The following LGR5 variants were observed in gnomAD, a reference collection of about 807,000 sequenced individuals.
LGR5 encodes the protein leucine rich repeat containing G protein-coupled receptor 5.
A neutral mutation model predicts 76.7 loss-of-function variants in LGR5; 54 were observed. That is an observed-to-expected ratio of 0.70 (90% CI 0.57 to 0.88). The LOEUF (loss-of-function observed/expected upper bound fraction) is 0.88. Ranked by LOEUF, LGR5 falls within the 40% of genes least tolerant of loss-of-function variation. The probability of loss-of-function intolerance (pLI) is 0.00; values close to 1 mark genes in which losing one functional copy is unlikely to be tolerated. For missense variants in LGR5, 1,078 were observed against 1,073.3 expected, an observed-to-expected ratio of 1.00 and a Z score of -0.06; for synonymous variants, 406 against 421.9, an observed-to-expected ratio of 0.96 and a Z score of 0.46.
rs972733428 is a variant in LGR5 at position 71,477,775 on chromosome 12, G to A, written c.213-26839G>A. Among the ~76,000 whole-genome samples the A allele has an allele frequency of 6.6e-5, 10 of 152,236 alleles. 1 individual carries two copies. In the East Asian group the frequency reaches 1.9e-3, roughly 29 times the overall value. On this transcript the variant is annotated intron_variant, in intron 1 of 17. Transcript: ENST00000266674. ...TAACACAGCCACACAAGCTGTGCAT[G>A]CCCCAACTCTAGGGCAGCTGGAGTT...
At chr12:71,444,645 G>C (rs1270661980) in intron 1 of LGR5, among the ~76,000 whole-genome samples, 1 of 152,062 alleles carries the variant, frequency 6.6e-6, no homozygotes, top group Non-Finnish European at 1.5e-5. Context: ...AAATGAGTTA[G>C]AAGATCGGAA....
intron 2 of LGR5, among the ~76,000 whole-genome samples, chr12:71,519,704 T>A (rs1346968276): frequency 6.6e-6 from 1 of 151,882 alleles, no homozygotes; most frequent in Non-Finnish European, 1.5e-5. Flanking sequence ...CATGTGCCTG[T>A]AGTCCCAGCT....
chr12:71,582,386 C>G, intron 16 of LGR5, 70 bp from the exon 17 acceptor site: 1 of 1,252,470 alleles, frequency 8.0e-7, no homozygotes, highest in Non-Finnish European at 1.2e-6. Flanking sequence ...ACCCAGGACT[C>G]TCCACTCTGG....
chr12:71,497,221 G>T (rs1479757909), intron 1 of LGR5, among the ~76,000 whole-genome samples: 1 of 152,046 alleles, frequency 6.6e-6, no homozygotes, highest in East Asian at 1.9e-4. Flanking sequence ...AGGCTGAGGT[G>T]GGGAGATAAC....
At chr12:71,484,093 T>G (rs1242440879) in intron 1 of LGR5, among the ~76,000 whole-genome samples, 1 of 152,226 alleles carries the variant, frequency 6.6e-6, no homozygotes, top group Non-Finnish European at 1.5e-5. Flanking sequence ...GGTAAGAATC[T>G]GTAGCTCAGA....
chr12:71,465,044 A>G (rs1872808282), intron 1 of LGR5, among the ~76,000 whole-genome samples: 1 of 152,088 alleles, frequency 6.6e-6, no homozygotes, highest in Non-Finnish European at 1.5e-5. Flanking sequence ...GTCCCTTCAT[A>G]CCTTCAGACC....
intron 2 of LGR5, among the ~76,000 whole-genome samples, chr12:71,506,275 T>C (rs1383291952): frequency 3.9e-5 from 6 of 152,062 alleles, no homozygotes; most frequent in Non-Finnish European, 8.8e-5. Context: ...AATTCCCATA[T>C]AATATCTCAT....
chr12:71,560,239 AAC>A (rs1431144444), intron 7 of LGR5, among the ~76,000 whole-genome samples: 4 of 152,230 alleles, frequency 2.6e-5, no homozygotes, highest in Non-Finnish European at 5.9e-5. Context: ...CAATAATATA[AAC>A]AGTCTATTAA....
intron 13 of LGR5, among the ~76,000 whole-genome samples, chr12:71,575,931 C>A (rs1408754791): frequency 6.6e-6 from 1 of 152,160 alleles, no homozygotes; most frequent in Non-Finnish European, 1.5e-5. Flanking sequence ...AGATCATGTC[C>A]TTTACAGGCA....
chr12:71,447,140 C>T (rs540619654), intron 1 of LGR5, among the ~76,000 whole-genome samples: 20 of 152,202 alleles, frequency 1.3e-4, no homozygotes, highest in South Asian at 4.2e-4. Context: ...ATTGTTGTCA[C>T]GAAGGTATCA....
chr12:71,573,403 T>G (rs1227303963), intron 13 of LGR5, among the ~76,000 whole-genome samples: 1 of 152,220 alleles, frequency 6.6e-6, no homozygotes, highest in Non-Finnish European at 1.5e-5. Flanking sequence ...ACTGGGAATC[T>G]GCATTTTAAC....
intron 2 of LGR5, among the ~76,000 whole-genome samples, chr12:71,521,172 C>G (rs2732491): frequency 0.97 from 148,048 of 152,316 alleles, 72,098 homozygotes; most frequent in Middle Eastern, 1. Context: ...GAATATTGTA[C>G]ATTGAAACAG....
At chr12:71,556,393 C>A (rs1056015268) in intron 5 of LGR5, among the ~76,000 whole-genome samples, 4 of 152,032 alleles carry the variant, frequency 2.6e-5, no homozygotes, top group Middle Eastern at 3.4e-3. Flanking sequence ...ATTATACACA[C>A]CCTGATGTCC....
At chr12:71,494,045 G>A (rs56137785) in intron 1 of LGR5, among the ~76,000 whole-genome samples, 3,466 of 149,028 alleles carry the variant, frequency 0.023, 285 homozygotes, top group African/African-American at 0.083. Context: ...CCGGGTTCAC[G>A]CCATTCTCCT....
At chr12:71,509,496 T>G (rs1256891523) in intron 2 of LGR5, among the ~76,000 whole-genome samples, 6 of 152,192 alleles carry the variant, frequency 3.9e-5, no homozygotes, top group Non-Finnish European at 5.9e-5. Flanking sequence ...TGCATTTCCC[T>G]CCAGCAGTAT....
intron 1 of LGR5, among the ~76,000 whole-genome samples, chr12:71,490,119 G>T (rs575721721): frequency 1.9e-4 from 21 of 113,394 alleles, no homozygotes; most frequent in African/African-American, 7.1e-4. Flanking sequence ...AACAGATTGA[G>T]ACCCAGCCTC....
intron 1 of LGR5, among the ~76,000 whole-genome samples, chr12:71,468,118 A>C (rs1872935899): frequency 6.6e-6 from 1 of 152,204 alleles, no homozygotes; most frequent in Non-Finnish European, 1.5e-5. Flanking sequence ...TGTGCTGTAA[A>C]TGACAAACTG....
At chr12:71,583,498 T>G in intron 17 of LGR5, 149 bp from the exon 18 acceptor site, 1 of 847,262 alleles carries the variant, frequency 1.2e-6, no homozygotes, top group South Asian at 1.7e-5. Flanking sequence ...TGGCTTGAGA[T>G]AGTGGAGCAT....
chr12:71,449,147 A>G (rs995462441), intron 1 of LGR5, among the ~76,000 whole-genome samples: 8 of 152,194 alleles, frequency 5.3e-5, no homozygotes, highest in Non-Finnish European at 1.2e-4. Context: ...AGTATCAGAG[A>G]ACTGAAAGGA....
Sources: allele counts gnomAD v4.1 joint callset (sites outside exome capture counted in the v4.1 genomes callset), GRCh38; gene constraint gnomAD v4.1.1; transcripts MANE v1.5; gene names NCBI Gene and HGNC (gene_info 2026-07-23, HGNC 2026-07-21).